KAZN: variants seen among roughly 807,000 people sequenced by gnomAD.
The protein encoded by KAZN is kazrin, periplakin interacting protein.
Under a neutral mutation model 87.4 loss-of-function variants are expected in KAZN, and 40 were observed. The observed-to-expected ratio is 0.46, with a 90% CI of 0.36 to 0.60. The LOEUF (loss-of-function observed/expected upper bound fraction) is 0.60, where lower values mean the gene tolerates loss of function less well. Ranked by LOEUF, KAZN falls within the 20% of genes least tolerant of loss-of-function variation. The pLI is 0.00. For missense variants in KAZN, 898 were observed against 1,073.9 expected (o/e 0.84, Z 2.29); for synonymous variants, 466 against 458.3 (o/e 1.02, Z -0.22).
chr1:14,168,883 CA>C (rs1454425800), intron 1 of KAZN, among the ~76,000 whole-genome samples: 1 of 152,146 alleles, frequency 6.6e-6, no homozygotes, highest in Non-Finnish European at 1.5e-5. Flanking sequence ...AGCCACTCAG[CA>C]CAGTGCTTGA....
intron 2 of KAZN, among the ~76,000 whole-genome samples, chr1:14,208,945 C>T (rs1209446667): frequency 6.6e-6 from 1 of 152,228 alleles, no homozygotes; most frequent in Non-Finnish European, 1.5e-5. Context: ...TGCATTCTTA[C>T]TTTGAGTTAG....
intron 2 of KAZN, among the ~76,000 whole-genome samples, chr1:14,334,431 G>A (rs185730599): frequency 4.6e-5 from 7 of 150,726 alleles, no homozygotes; most frequent in East Asian, 3.9e-4. Context: ...TAAAGGAGGC[G>A]TGGCCATCAC....
intron 1 of KAZN, among the ~76,000 whole-genome samples, chr1:13,924,560 C>T (rs892870299): frequency 6.6e-6 from 1 of 152,206 alleles, no homozygotes; most frequent in Non-Finnish European, 1.5e-5. Flanking sequence ...TGATTCTATT[C>T]AGTCATCCCT....
chr1:14,537,785 C>T (rs1363961867), intron 2 of KAZN, among the ~76,000 whole-genome samples: 2 of 152,208 alleles, frequency 1.3e-5, no homozygotes, highest in Non-Finnish European at 2.9e-5. Context: ...ACCCTTGTCT[C>T]ATGATAGCAC....
At chr1:14,013,878 G>T (rs540578161) in intron 1 of KAZN, among the ~76,000 whole-genome samples, 387 of 152,290 alleles carry the variant, frequency 2.5e-3, no homozygotes, top group South Asian at 7.9e-3. Flanking sequence ...TCATGACGAT[G>T]ATGGCTCTGG....
At chr1:14,031,994 T>C (rs1641349059) in intron 1 of KAZN, among the ~76,000 whole-genome samples, 1 of 152,208 alleles carries the variant, frequency 6.6e-6, no homozygotes, top group Admixed American at 6.5e-5. Context: ...ATTGGTAACT[T>C]GAATGTTACG....
intron 2 of KAZN, among the ~76,000 whole-genome samples, chr1:14,424,327 A>G (rs1205967197): frequency 1.3e-5 from 2 of 152,234 alleles, no homozygotes; most frequent in East Asian, 1.9e-4. Flanking sequence ...TCAGATGAGC[A>G]CAGATGAGAC....
intron 1 of KAZN, among the ~76,000 whole-genome samples, chr1:13,927,345 AGTGG>A (rs1483632816): frequency 1.3e-5 from 2 of 152,220 alleles, no homozygotes; most frequent in Non-Finnish European, 2.9e-5. Flanking sequence ...AGCTGAGCAC[AGTGG>A]GGCATTACAG....
chr1:14,189,417 A>AC (rs1488732702), intron 2 of KAZN, among the ~76,000 whole-genome samples: 1 of 152,126 alleles, frequency 6.6e-6, no homozygotes, highest in African/African-American at 2.4e-5. Context: ...TGCTGCCTTA[A>AC]AAAACCATCC....
At chr1:14,353,818 G>C (rs1014442042) in intron 2 of KAZN, among the ~76,000 whole-genome samples, 1 of 152,092 alleles carries the variant, frequency 6.6e-6, no homozygotes, top group African/African-American at 2.4e-5. Context: ...CTTCTGCATT[G>C]GAGGACTCAG....
intron 2 of KAZN, among the ~76,000 whole-genome samples, chr1:14,962,927 A>G (rs1664053295): frequency 6.6e-6 from 1 of 152,024 alleles, no homozygotes; most frequent in African/African-American, 2.4e-5. Flanking sequence ...CTTTAAACCT[A>G]CAATCTAGGA....
At chr1:13,919,501 T>A (rs1188654420) in intron 1 of KAZN, among the ~76,000 whole-genome samples, 2 of 152,232 alleles carry the variant, frequency 1.3e-5, no homozygotes, top group Admixed American at 6.5e-5. Flanking sequence ...GAAAAGTACA[T>A]GACAATGCAT....
intron 1 of KAZN, among the ~76,000 whole-genome samples, chr1:14,718,878 G>A (rs141187266): frequency 0.011 from 1,634 of 152,260 alleles, 26 homozygotes; most frequent in African/African-American, 0.036. Context: ...ACCCCACTCC[G>A]CCCCAGTTGC....
chr1:14,176,914 C>T (rs1306715976), intron 1 of KAZN, among the ~76,000 whole-genome samples: 1 of 152,146 alleles, frequency 6.6e-6, no homozygotes, highest in African/African-American at 2.4e-5. Flanking sequence ...AGTCCCAGCA[C>T]TTTGGGAGGC....
At chr1:14,684,227 G>A (rs958538724) in intron 1 of KAZN, among the ~76,000 whole-genome samples, 7 of 152,160 alleles carry the variant, frequency 4.6e-5, no homozygotes, top group African/African-American at 1.7e-4. Context: ...TCAGGGCAGT[G>A]GCTTTGCAGG....
intron 10 of KAZN, 80 bp downstream of exon 10, chr1:15,095,013 G>A: frequency 1.1e-6 from 1 of 932,644 alleles, no homozygotes; most frequent in Non-Finnish European, 1.7e-6. Context: ...GGGGTGAGCG[G>A]GGCACTGTGG....
intron 1 of KAZN, among the ~76,000 whole-genome samples, chr1:14,723,829 A>G (rs1643244192): frequency 6.6e-6 from 1 of 152,106 alleles, no homozygotes. Context: ...TTCAATAGAT[A>G]CTTTACTGGG....
rs914937940 is a variant in KAZN at position 14,494,785 on chromosome 1, C to A, written c.250-104198C>A. Among the ~76,000 whole-genome samples, 9 of 152,246 alleles carry A rather than the reference C, an allele frequency of 5.9e-5. No individual in the cohort carries two copies. In the East Asian group the frequency reaches 1.5e-3, roughly 26 times the overall value. On this transcript the variant is annotated intron_variant, in intron 2 of 16. Coordinates refer to the KAZN transcript ENST00000636203. ...TGGACAATTTAATTCTAAAATGTGA[C>A]CCCTTTCAGTACAAATTAAAATGCA...
intron 2 of KAZN, among the ~76,000 whole-genome samples, chr1:14,450,837 A>G (rs1172391553): frequency 6.6e-6 from 1 of 151,888 alleles, no homozygotes; most frequent in Non-Finnish European, 1.5e-5. Flanking sequence ...TCTCATGTTG[A>G]ATTGTAATCC....
Sources: allele counts gnomAD v4.1 joint callset (sites outside exome capture counted in the v4.1 genomes callset), GRCh38; gene constraint gnomAD v4.1.1; transcripts MANE v1.5; gene names NCBI Gene and HGNC (gene_info 2026-07-23, HGNC 2026-07-21).